AQP11: variants seen among roughly 807,000 people sequenced by gnomAD.
AQP11 encodes the protein aquaporin 11, also known as aquaporin-11.
Under a neutral mutation model 21.1 loss-of-function variants are expected in AQP11, and 20 were observed. The observed-to-expected ratio is 0.95, with a 90% CI of 0.67 to 1.38. The LOEUF (loss-of-function observed/expected upper bound fraction) is 1.38, where lower values mean the gene tolerates loss of function less well. Ranked by LOEUF, AQP11 falls within the 40% of genes most tolerant of loss-of-function variation. The pLI is 0.00. For synonymous variants in AQP11, 167 were observed against 150.1 expected (o/e 1.11, Z -0.82); for missense variants, 339 against 340.4 (o/e 1.00, Z 0.03).
chr11:77,605,151 C>T (rs1355131901), intron 2 of AQP11, among the ~76,000 whole-genome samples: 1 of 152,154 alleles, frequency 6.6e-6, no homozygotes, highest in African/African-American at 2.4e-5. Flanking sequence ...TGAGATCGCA[C>T]CACTGCACTC....
At chr11:77,598,571 T>G (rs188429001) in intron 1 of AQP11, among the ~76,000 whole-genome samples, 185 of 152,270 alleles carry the variant, frequency 1.2e-3, no homozygotes, top group South Asian at 2.1e-3. Context: ...ATGTAAAAAA[T>G]TCAAAGACTA....
intron 1 of AQP11, among the ~76,000 whole-genome samples, chr11:77,595,210 G>A (rs1169437692): frequency 1.3e-5 from 2 of 152,124 alleles, no homozygotes; most frequent in South Asian, 2.1e-4. Flanking sequence ...GCATGCTTGC[G>A]CATGCCTGTA....
At chr11:77,595,684 G>A (rs1467194722) in intron 1 of AQP11, among the ~76,000 whole-genome samples, 1 of 152,194 alleles carries the variant, frequency 6.6e-6, no homozygotes, top group Non-Finnish European at 1.5e-5. Flanking sequence ...CACTTTGGGA[G>A]GCAGAGGCAG....
intron 1 of AQP11, among the ~76,000 whole-genome samples, chr11:77,601,430 C>G (rs913693778): frequency 6.6e-6 from 1 of 151,154 alleles, no homozygotes; most frequent in Non-Finnish European, 1.5e-5. Context: ...CTCACTGCAG[C>G]CTCAACCTCT....
At chr11:77,598,121 G>A (rs1411737595) in intron 1 of AQP11, among the ~76,000 whole-genome samples, 5 of 152,162 alleles carry the variant, frequency 3.3e-5, no homozygotes, top group South Asian at 2.1e-4. Context: ...CTTTGCTTAC[G>A]TGCTCATTAA....
At chr11:77,604,256 C>T (rs1958831726) in intron 2 of AQP11, among the ~76,000 whole-genome samples, 1 of 152,152 alleles carries the variant, frequency 6.6e-6, no homozygotes, top group Admixed American at 6.5e-5. Flanking sequence ...GCTGGGATGA[C>T]AGGCATGTGC....
intron 1 of AQP11, among the ~76,000 whole-genome samples, chr11:77,594,311 A>C (rs183404684): frequency 1.2e-3 from 186 of 152,330 alleles, no homozygotes; most frequent in Admixed American, 2.0e-3. Context: ...CAGGTTTTCT[A>C]ATTTTAAGAC....
At position 77,590,086 on chromosome 11, in the gene AQP11, C is replaced by T. The variant is rs755105114; in HGVS notation, c.94C>T (p.Arg32Cys). Residue 32 changes from arginine to cysteine, a missense_variant, in exon 1 of 3, where the codon CGC (arginine) becomes TGC (cysteine). By Grantham distance (180) the Arg-to-Cys change is radical. Transcript: ENST00000313578. ...GGTGGTGCTGCTCATGGGGCTGGCCCGCGTAGTCGCCCGGCAGCAGCTGCA... is the reference window on the plus strand; with the variant it reads ...GGTGGTGCTGCTCATGGGGCTGGCCTGCGTAGTCGCCCGGCAGCAGCTGCA... ...LSVVLLMGLARVVARQQLHRP... is the reference protein window; with the variant it reads ...LSVVLLMGLACVVARQQLHRP... 2 of 1,607,536 alleles carry T rather than the reference C, an allele frequency of 1.2e-6. No homozygotes were observed. The highest frequency in any genetic ancestry group is 8.5e-7 in the Non-Finnish European group (1 of 1,179,428).
At chr11:77,596,561 T>C (rs1178220608) in intron 1 of AQP11, among the ~76,000 whole-genome samples, 2 of 133,170 alleles carry the variant, frequency 1.5e-5, no homozygotes, top group Admixed American at 7.6e-5. Context: ...TATATATATA[T>C]ATGTATGTAA....
intron 2 of AQP11, among the ~76,000 whole-genome samples, chr11:77,604,073 A>T (rs536769527): frequency 1.3e-5 from 2 of 152,192 alleles, no homozygotes; most frequent in African/African-American, 2.4e-5. Context: ...AGTATAGTTT[A>T]AAAATTATCC....
intron 1 of AQP11, among the ~76,000 whole-genome samples, chr11:77,593,261 G>A (rs944022201): frequency 6.6e-6 from 1 of 152,222 alleles, no homozygotes; most frequent in Non-Finnish European, 1.5e-5. Context: ...ATATAAGGGA[G>A]ATAAGAATAT....
chr11:77,603,509 A>G, intron 1 of AQP11, 47 bp from the exon 2 acceptor site: 1 of 1,309,116 alleles, frequency 7.6e-7, no homozygotes, highest in Non-Finnish European at 1.1e-6. Context: ...TTACAAGGAA[A>G]TGGAAGATAA....
chr11:77,605,975 G>GGAGGTTGCAGTGAGCC (rs1958843304), intron 2 of AQP11, among the ~76,000 whole-genome samples: 1 of 148,968 alleles, frequency 6.7e-6, no homozygotes, highest in South Asian at 2.1e-4. Flanking sequence ...CTCAGGAGGT[G>GGAGGTTGCAGTGAGCC]GAGGTTGCAG....
intron 2 of AQP11, among the ~76,000 whole-genome samples, chr11:77,606,017 T>C (rs1173981433): frequency 8.2e-6 from 1 of 122,074 alleles, no homozygotes; most frequent in Non-Finnish European, 1.6e-5. Flanking sequence ...CACTCTAGCC[T>C]GGGCGACAGA....
At chr11:77,601,228 T>C (rs1958813889) in intron 1 of AQP11, among the ~76,000 whole-genome samples, 1 of 152,132 alleles carries the variant, frequency 6.6e-6, no homozygotes, top group South Asian at 2.1e-4. Context: ...AACAAAGAAT[T>C]ATCCAGTAAG....
At chr11:77,594,368 G>A (rs945074427) in intron 1 of AQP11, among the ~76,000 whole-genome samples, 1 of 152,164 alleles carries the variant, frequency 6.6e-6, no homozygotes, top group East Asian at 1.9e-4. Context: ...AACTCCAAGA[G>A]GAGGATTTGG....
chr11:77,596,719 G>A (rs112068028), intron 1 of AQP11, among the ~76,000 whole-genome samples: 3 of 151,130 alleles, frequency 2.0e-5, no homozygotes, highest in African/African-American at 7.3e-5. Flanking sequence ...AATTAGCCAG[G>A]TATGGTGGTG....
At position 77,603,650 on chromosome 11, in the gene AQP11, A is replaced by G. The variant is rs1958828015; in HGVS notation, c.714A>G (p.Val238=). The G allele has an allele frequency of 3.7e-6, 6 of 1,601,010 alleles. No homozygotes were observed. The highest frequency in any genetic ancestry group is 1.8e-5 in the Admixed American group (1 of 57,104). The part of the protein sequence containing the change: ...FDEAFPQFFI[V]YWLAPSLGIL... ...AAGCATTCCCTCAGTTTTTTATAGT[A>G]TACTGGCTGGCTCCTTCTTTAGGTA... Residue 238 remains valine, a synonymous_variant, in exon 2 of 3, where the codon GTA becomes GTG. Coordinates refer to ENST00000313578, the MANE Select transcript of AQP11 (RefSeq NM_173039.3).
chr11:77,590,426 A>C lies in AQP11; in HGVS notation c.434A>C (p.Gln145Pro), dbSNP rs145893530. ...GCCTTGTGGAGCTTGGGTCTGACCC[A>C]GTATCACGTCAGCGAGAGGAGCTTC... ...TSALWSLGLTQYHVSERSFAC... is the reference protein window; with the variant it reads ...TSALWSLGLTPYHVSERSFAC... The change falls in exon 1 of 3, where the codon CAG becomes CCG. Residue 145 changes from glutamine (Q) to proline (P), a missense_variant. Coordinates refer to ENST00000313578, the MANE Select transcript of AQP11 (RefSeq NM_173039.3). 5.8e-3 allele frequency: 9,300 copies of C among 1,614,070 alleles called. 41 individuals carry two copies. Among genetic ancestry groups the C allele is most frequent in the Middle Eastern group, 8.2e-3 (50 of 6,062 alleles).
Sources: gnomAD v4.1 joint callset for allele counts (sites outside exome capture counted in the v4.1 genomes callset) on GRCh38, gnomAD v4.1.1 for gene constraint, MANE v1.5 for transcripts, NCBI Gene and HGNC (gene_info 2026-07-23, HGNC 2026-07-21) for gene names.